Variants in HS3ST5 observed in about 807,000 individuals in gnomAD.
The protein encoded by HS3ST5 is heparan sulfate glucosamine 3-O-sulfotransferase 5.
Under a neutral mutation model 25.4 loss-of-function variants are expected in HS3ST5, and 10 were observed. The observed-to-expected ratio is 0.39, with a 90% confidence interval of 0.24 to 0.67. The LOEUF is 0.67. Among genes scored for constraint, HS3ST5 ranks in the 30% least tolerant of loss-of-function variants. The pLI is 0.44. For missense variants in HS3ST5, 324 were observed against 420.7 expected (o/e 0.77, Z 2.01); for synonymous variants, 170 against 162.4 (o/e 1.05, Z -0.36).
intron 3 of HS3ST5, chr6:114,084,206 C>A: frequency 1.8e-6 from 2 of 1,094,630 alleles, no homozygotes; most frequent in South Asian, 2.5e-5. Flanking sequence ...CATTCAGTGG[C>A]CTGAGCAATG....
intron 2 of HS3ST5, among the ~76,000 whole-genome samples, chr6:114,194,981 C>T (rs1366172622): frequency 6.6e-5 from 10 of 152,184 alleles, no homozygotes; most frequent in Admixed American, 6.6e-4. Flanking sequence ...CTCTCCTTTC[C>T]ACTTGTATGA....
chr6:114,093,775 G>T (rs953527818), intron 3 of HS3ST5, among the ~76,000 whole-genome samples: 11 of 152,162 alleles, frequency 7.2e-5, no homozygotes, highest in Admixed American at 4.6e-4. Flanking sequence ...TTTGTATAGA[G>T]GCCAAGAGGA....
chr6:114,185,243 C>T (rs898722953), intron 2 of HS3ST5, among the ~76,000 whole-genome samples: 1 of 151,994 alleles, frequency 6.6e-6, no homozygotes, highest in Non-Finnish European at 1.5e-5. Flanking sequence ...AAATCCTAGC[C>T]CCTGATAAAA....
intron 3 of HS3ST5, chr6:114,143,668 A>G (rs1778013768): frequency 6.6e-6 from 1 of 152,200 alleles, no homozygotes; most frequent in Non-Finnish European, 1.5e-5. Flanking sequence ...CATGGGTCAC[A>G]CAAGGACAGT....
At chr6:114,279,892 T>C (rs1480497150) in intron 1 of HS3ST5, among the ~76,000 whole-genome samples, 1 of 151,980 alleles carries the variant, frequency 6.6e-6, no homozygotes, top group African/African-American at 2.4e-5. Context: ...AACATCATGG[T>C]GAATCCTGCT....
chr6:114,255,035 T>A (rs1772841138), intron 1 of HS3ST5, among the ~76,000 whole-genome samples: 2 of 152,088 alleles, frequency 1.3e-5, no homozygotes, highest in Non-Finnish European at 2.9e-5. Flanking sequence ...AAGTCCACAA[T>A]CCAAAGTCTC....
chr6:114,124,525 A>G (rs543967843), intron 3 of HS3ST5, among the ~76,000 whole-genome samples: 2 of 152,194 alleles, frequency 1.3e-5, no homozygotes, highest in East Asian at 3.9e-4. Context: ...CCTATATCAA[A>G]CAGACATTTA....
At chr6:114,249,293 T>C (rs1174651831) in intron 1 of HS3ST5, among the ~76,000 whole-genome samples, 1 of 152,252 alleles carries the variant, frequency 6.6e-6, no homozygotes, top group Non-Finnish European at 1.5e-5. Flanking sequence ...TCTTATTCGA[T>C]TTACCATTTA....
chr6:114,072,064 G>A (rs565770633), intron 3 of HS3ST5, among the ~76,000 whole-genome samples: 1 of 152,106 alleles, frequency 6.6e-6, no homozygotes, highest in Non-Finnish European at 1.5e-5. Flanking sequence ...AATTATATTA[G>A]GGCTTTCTAC....
chr6:114,140,302 A>AAAAGTAAAGT (rs1582644002), intron 3 of HS3ST5, among the ~76,000 whole-genome samples: 1 of 152,224 alleles, frequency 6.6e-6, no homozygotes, highest in East Asian at 1.9e-4. Context: ...TTAATTTATG[A>AAAAGTAAAGT]AAAGTGATAC....
chr6:114,097,870 A>G (rs927194664), intron 3 of HS3ST5, among the ~76,000 whole-genome samples: 3 of 152,046 alleles, frequency 2.0e-5, no homozygotes, highest in Non-Finnish European at 2.9e-5. Flanking sequence ...CCCCTAAAGG[A>G]CAAAAATGGA....
rs936090362 is a variant in HS3ST5, at chr6:114,233,755, C to A, written c.-338-4977G>T. ...TGATTATTTTGGAAAACAGTTACCC[C>A]AAGTTCAAATTAATTCCTAGTTAGT... On this transcript the variant is annotated intron_variant, in intron 1 of 4. Transcript: ENST00000312719. Among the ~76,000 whole-genome samples, 13 of 152,226 alleles carry A rather than the reference C, an allele frequency of 8.5e-5. 1 individual carries two copies. In the South Asian group the frequency reaches 2.5e-3, roughly 29 times the overall value.
At chr6:114,075,567 G>T (rs1774077280) in intron 3 of HS3ST5, among the ~76,000 whole-genome samples, 2 of 152,266 alleles carry the variant, frequency 1.3e-5, no homozygotes. Flanking sequence ...CCCTGTGCTT[G>T]GTTTAATGCT....
At chr6:114,123,573 A>G (rs1195184207) in intron 3 of HS3ST5, among the ~76,000 whole-genome samples, 1 of 152,200 alleles carries the variant, frequency 6.6e-6, no homozygotes, top group Admixed American at 6.5e-5. Context: ...CTTTCCTAAC[A>G]TAAGGTCTCC....
At chr6:114,078,103 G>A (rs1774244075) in intron 3 of HS3ST5, among the ~76,000 whole-genome samples, 1 of 152,196 alleles carries the variant, frequency 6.6e-6, no homozygotes, top group Non-Finnish European at 1.5e-5. Context: ...TAACATGTTT[G>A]ATATAAAATT....
At chr6:114,226,322 A>G (rs576217901) in intron 2 of HS3ST5, among the ~76,000 whole-genome samples, 1 of 152,116 alleles carries the variant, frequency 6.6e-6, no homozygotes, top group South Asian at 2.1e-4. Context: ...CAAATGAAGA[A>G]TTATACCTAA....
intron 3 of HS3ST5, among the ~76,000 whole-genome samples, chr6:114,147,063 C>T (rs1178759349): frequency 6.6e-6 from 1 of 152,138 alleles, no homozygotes; most frequent in African/African-American, 2.4e-5. Context: ...GATTATACTG[C>T]ATTATCCTAT....
intron 3 of HS3ST5, among the ~76,000 whole-genome samples, chr6:114,081,697 A>G (rs1459117251): frequency 6.6e-6 from 1 of 152,214 alleles, no homozygotes; most frequent in Non-Finnish European, 1.5e-5. Context: ...CTCCACACTA[A>G]TAGGTACATT....
chr6:114,321,750 C>A (rs576217129), intron 1 of HS3ST5, among the ~76,000 whole-genome samples: 1 of 151,900 alleles, frequency 6.6e-6, no homozygotes, highest in Non-Finnish European at 1.5e-5. Flanking sequence ...GTCAATGTAT[C>A]TTTTTACACA....
Sources: gnomAD v4.1 joint callset for allele counts (sites outside exome capture counted in the v4.1 genomes callset) on GRCh38, gnomAD v4.1.1 for gene constraint, MANE v1.5 for transcripts, NCBI Gene and HGNC (gene_info 2026-07-23, HGNC 2026-07-21) for gene names.